ECEL1: variants seen among roughly 807,000 people sequenced by gnomAD.
ECEL1 encodes endothelin converting enzyme like 1, also known as endothelin-converting enzyme-like 1.
Under a neutral mutation model 101.8 loss-of-function variants are expected in ECEL1, and 87 were observed. The ratio of observed to expected loss-of-function variants is 0.85; its 90% CI spans 0.72 to 1.02. The LOEUF is 1.02. Ranked by LOEUF, ECEL1 falls within the 50% of genes least tolerant of loss-of-function variation. The probability of loss-of-function intolerance (pLI) is 0.00; values close to 1 mark genes in which losing one functional copy is unlikely to be tolerated. For missense variants in ECEL1, 1,032 were observed against 1,079.2 expected (o/e 0.96, Z 0.61); for synonymous variants, 487 against 468.7 (o/e 1.04, Z -0.50).
rs1451218711 is a variant in ECEL1, at chr2:232,486,183, G to A, written c.471C>T (p.Asn157=). Residue 157 remains asparagine, a synonymous_variant, in exon 2 of 18, where the codon AAC becomes AAT. Transcript: ENST00000304546. ...CCAGCAGGCGCCGTAGGCGCTCCTC[G>A]TTTTGCTCGCCGATGGCCGCGATGG... is the stretch of plus-strand genomic sequence containing the variant. The part of the protein sequence containing the change: ...YGTIAAIGEQ[N]EERLRRLLAR... 3.1e-6 allele frequency: 5 copies of A among 1,593,408 alleles called. No individual in the cohort carries two copies. Among genetic ancestry groups the A allele is most frequent in the Non-Finnish European group, 2.6e-6 (3 of 1,175,226 alleles).
chr2:232,487,305 C>T (rs1559278243), intron 1 of ECEL1, among the ~76,000 whole-genome samples: 1 of 152,188 alleles, frequency 6.6e-6, no homozygotes, highest in Non-Finnish European at 1.5e-5. Context: ...GCCCGACGGC[C>T]CACTCGCCCC....
chr2:232,479,886 G>A lies in ECEL1; in HGVS notation c.*267C>T, dbSNP rs999109360. ...CAAGAACACAGCGAAGGTGGGGCCC[G>A]TACAATCCAGCCTGGCAGAGGGTCT... On this transcript the variant is annotated 3_prime_UTR_variant, in exon 18 of 18. Coordinates refer to ENST00000304546, the MANE Select transcript of ECEL1 (RefSeq NM_004826.4). 1.1e-5 allele frequency: 6 copies of A among 534,848 alleles called. No individual in the cohort carries two copies. Among genetic ancestry groups the A allele is most frequent in the East Asian group, 6.4e-5 (2 of 31,338 alleles). 33.1% of individuals were successfully genotyped at this position (534,848 alleles called of 1,614,324 possible). A position where few individuals can be genotyped will look rare whatever the true frequency, so the allele number is the denominator to read the frequency against.
Position 232,482,913 on chromosome 2 carries a change from G to A in ECEL1, c.1623C>T (p.Asn541=), listed in dbSNP as rs758614813. Residue 541 remains asparagine (N), a synonymous_variant, in exon 10 of 18, where the codon AAC becomes AAT. Transcript: ENST00000304546. ...AGAGCTGGATGCTGAAGCGGATGCT[G>A]TTCAAGATGTTCTTGAAGTAGGTCT... ...HEKTYFKNIL[N]SIRFSIQLSV... is the part of the protein sequence containing the mutation. 8.7e-6 allele frequency: 14 copies of A among 1,614,072 alleles called. No homozygotes were observed. Among genetic ancestry groups the A allele is most frequent in the Admixed American group, 1.7e-5 (1 of 60,018 alleles).
chr2:232,484,870 G>A lies in ECEL1; in HGVS notation c.990C>T (p.Asp330=). 1 of 1,613,878 alleles carries A rather than the reference G, an allele frequency of 6.2e-7. No individual in the cohort carries two copies. Among genetic ancestry groups the A allele is most frequent in the Non-Finnish European group, 8.5e-7 (1 of 1,179,970 alleles). Residue 330 remains aspartate (D), a synonymous_variant, in exon 5 of 18, where the codon GAC becomes GAT. Coordinates refer to ENST00000304546, the MANE Select transcript of ECEL1 (RefSeq NM_004826.4). ...LANITVSEHD[D]LRRDVSSMYN... is the part of the protein sequence containing the mutation. ...ACATGGAGCTGACATCTCGCCGTAG[G>A]TCGTCATGCTCTGACACAGTGATCT...
At position 232,486,742 on chromosome 2, in the gene ECEL1, C is replaced by T; in HGVS notation, c.-89G>A. On this transcript the variant is annotated 5_prime_UTR_variant, in exon 2 of 18. Coordinates refer to ENST00000304546, the MANE Select transcript of ECEL1 (RefSeq NM_004826.4). ...GCCTCCTCGTGGGCCTCCGCATGGC[C>T]CTGGGGCCGCAGCTGCGGGAAGGGC... 2 of 1,300,902 alleles carry T rather than the reference C, an allele frequency of 1.5e-6. No homozygotes were observed. The highest frequency in any genetic ancestry group is 2.0e-6 in the Non-Finnish European group (2 of 1,017,162). 80.6% of individuals were successfully genotyped at this position (1,300,902 alleles called of 1,614,324 possible). A position where few individuals can be genotyped will look rare whatever the true frequency, so the allele number is the denominator to read the frequency against.
rs1024506547 is a variant in ECEL1, at chr2:232,486,131, C to G, written c.523G>C (p.Ala175Pro). Residue 175 changes from alanine (A) to proline (P), a missense_variant, in exon 2 of 18, where the codon GCG becomes CCG. Transcript: ENST00000304546. The stretch of plus-strand genomic sequence containing the variant: ...AAGGCGCGCACCTTGCGCTGGGCCG[C>G]GCCGCCAGGCCCACCCCCGGGCCGC... ...LARPGGGPGG[A>P]AQRKVRAFFR... The G allele has an allele frequency of 4.5e-6, 7 of 1,562,886 alleles. No individual in the cohort carries two copies. The highest frequency in any genetic ancestry group is 1.7e-6 in the Non-Finnish European group (2 of 1,158,430).
At chr2:232,485,583 C>T (rs939943161) in intron 2 of ECEL1, among the ~76,000 whole-genome samples, 1 of 152,232 alleles carries the variant, frequency 6.6e-6, no homozygotes, top group African/African-American at 2.4e-5. Flanking sequence ...GAGACGTCAA[C>T]CCAGCCCGCC....
Position 232,483,582 on chromosome 2 carries a change from G to A in ECEL1, c.1408-68C>T, listed in dbSNP as rs967965524. 5.9e-6 allele frequency: 8 copies of A among 1,348,148 alleles called. No individual in the cohort carries two copies. In the Admixed American group the frequency reaches 9.2e-5, roughly 16 times the overall value. 83.5% of individuals were successfully genotyped at this position (1,348,148 alleles called of 1,614,324 possible). A position where few individuals can be genotyped will look rare whatever the true frequency, so the allele number is the denominator to read the frequency against. On this transcript the variant is annotated intron_variant, in intron 7 of 17. Coordinates refer to ENST00000304546, the MANE Select transcript of ECEL1 (RefSeq NM_004826.4). ...CTGGTCTATCACTCCTGGCAGGAGG[G>A]GTACCCCTGCCTTTAAGCACCACTT...
At position 232,480,193 on chromosome 2, in the gene ECEL1, T is replaced by C. The variant is rs1690540003; in HGVS notation, c.2288A>G (p.Asp763Gly). Residue 763 changes from aspartate to glycine, a missense_variant, in exon 18 of 18, where the codon GAC becomes GGC. Coordinates refer to ENST00000304546, the MANE Select transcript of ECEL1 (RefSeq NM_004826.4). ...EFGRAFHCPKDSPMNPAHKCS... is the reference protein window; with the variant it reads ...EFGRAFHCPKGSPMNPAHKCS... ...CTTGTGGGCAGGGTTCATGGGTGAG[T>C]CCTTGGGACAGTGGAAAGCCCGGCC... 1 of 1,613,554 alleles carries C rather than the reference T, an allele frequency of 6.2e-7. No homozygotes were observed. The highest frequency in any genetic ancestry group is 1.3e-5 in the African/African-American group (1 of 74,836).
At chr2:232,480,681 C>T (rs1293773716) in intron 16 of ECEL1, 37 bp downstream of exon 16, 2 of 1,607,790 alleles carry the variant, frequency 1.2e-6, no homozygotes, top group Non-Finnish European at 1.7e-6. Flanking sequence ...CGTGTCCCCA[C>T]CCCAAGGCTC....
chr2:232,485,094 G>T lies in ECEL1; in HGVS notation c.856-3C>A. 1 of 1,611,446 alleles carries T rather than the reference G, an allele frequency of 6.2e-7. No individual in the cohort carries two copies. Among genetic ancestry groups the T allele is most frequent in the Non-Finnish European group, 8.5e-7 (1 of 1,179,984 alleles). On this transcript the variant is annotated splice_region_variant and splice_polypyrimidine_tract_variant and intron_variant, in intron 3 of 17. Coordinates refer to ENST00000304546, the MANE Select transcript of ECEL1 (RefSeq NM_004826.4). ...AACACCCTGTATGCTGCCAGGATCTGCACCAGGGGAGGGGGCTCACCCAGG... is the reference window on the plus strand; with the variant it reads ...AACACCCTGTATGCTGCCAGGATCTTCACCAGGGGAGGGGGCTCACCCAGG...
chr2:232,484,445 C>T (rs1690666462), intron 6 of ECEL1, 27 bp downstream of exon 6: 1 of 1,610,912 alleles, frequency 6.2e-7, no homozygotes, highest in Non-Finnish European at 8.5e-7. Context: ...GACCGCTGGG[C>T]AGAAAATGCC....
At chr2:232,486,872 C>A (rs1334259914) in intron 1 of ECEL1, 118 bp from the exon 2 acceptor site, 3 of 412,894 alleles carry the variant, frequency 7.3e-6, no homozygotes, top group African/African-American at 2.1e-5. Context: ...TCATTCACTG[C>A]GGAAACCAGG....
intron 1 of ECEL1, among the ~76,000 whole-genome samples, chr2:232,487,476 C>G (rs1267234681): frequency 6.6e-6 from 1 of 152,142 alleles, no homozygotes; most frequent in Non-Finnish European, 1.5e-5. Context: ...CCCCAGAACC[C>G]AAACTTGGGC....
rs1690739027 is a variant in ECEL1, at chr2:232,486,643, G to A, written c.11C>T (p.Pro4Leu). MEP[P>L]YSLTAHYDEF... is the part of the protein sequence containing the mutation. ...ATCGTAGTGCGCCGTCAGCGAATAC[G>A]GGGGCTCCATGGCGCCGAGGCCGCC... Residue 4 changes from proline to leucine, a missense_variant, in exon 2 of 18, where the codon CCG becomes CTG. Transcript: ENST00000304546. The A allele has an allele frequency of 1.3e-6, 2 of 1,527,718 alleles. No homozygotes were observed. Among genetic ancestry groups the A allele is most frequent in the East Asian group, 2.7e-5 (1 of 37,482 alleles). The allele number at this position is 1,527,718 out of a possible 1,614,324, so 94.6% of individuals were successfully genotyped here. A position where few individuals can be genotyped will look rare whatever the true frequency, so the allele number is the denominator to read the frequency against.
Position 232,486,090 on chromosome 2 carries a change from G to A in ECEL1, c.564C>T (p.Leu188=), listed in dbSNP as rs1396542353. Residue 188 remains leucine, a synonymous_variant, in exon 2 of 18, where the codon CTC becomes CTT. Coordinates refer to ENST00000304546, the MANE Select transcript of ECEL1 (RefSeq NM_004826.4). ...CCAGTCGCTCGATCTCGCGCATGTC[G>A]AGGCACGAGCGGAAGAAGGCGCGCA... ...RKVRAFFRSC[L]DMREIERLGP... is the part of the protein sequence containing the mutation. 1 of 1,598,432 alleles carries A rather than the reference G, an allele frequency of 6.3e-7. No individual in the cohort carries two copies. Among genetic ancestry groups the A allele is most frequent in the Non-Finnish European group, 8.5e-7 (1 of 1,173,786 alleles).
At position 232,485,822 on chromosome 2, in the gene ECEL1, C is replaced by T. The variant is rs373256266; in HGVS notation, c.786+46G>A. 4.7e-3 allele frequency: 7,151 copies of T among 1,534,988 alleles called. 24 individuals carry two copies. Among genetic ancestry groups the T allele is most frequent in the Non-Finnish European group, 5.7e-3 (6,529 of 1,145,852 alleles). On this transcript the variant is annotated intron_variant, in intron 2 of 17. Transcript: ENST00000304546. Reference sequence around the variant, plus strand: ...GGGACCCCTGGGCAAGGCCACTGCGCCCCGGATCCGCGGCCGCTGGCAGGG... The same window carrying T: ...GGGACCCCTGGGCAAGGCCACTGCGTCCCGGATCCGCGGCCGCTGGCAGGG...
intron 2 of ECEL1, 147 bp from the exon 3 acceptor site, chr2:232,485,414 C>T: frequency 1.1e-6 from 1 of 946,628 alleles, no homozygotes; most frequent in South Asian, 1.6e-5. Flanking sequence ...CTCTTTCCAC[C>T]CAGACGAGAT....
Position 232,481,858 on chromosome 2 carries a change from A to C in ECEL1, c.1797-9T>G, listed in dbSNP as rs1473018047. 6.2e-7 allele frequency: 1 copy of C among 1,613,830 alleles called. No individual in the cohort carries two copies. Among genetic ancestry groups the C allele is most frequent in the East Asian group, 2.2e-5 (1 of 44,880 alleles). Reference sequence around the variant, plus strand: ...CCCCGTAGTTGAGAGACCTGGGCCCACAGCAGCAGCATCAGGCCCTAGCCC... The same window carrying C: ...CCCCGTAGTTGAGAGACCTGGGCCCCCAGCAGCAGCATCAGGCCCTAGCCC... On this transcript the variant is annotated splice_polypyrimidine_tract_variant and intron_variant, in intron 12 of 17. Coordinates refer to ENST00000304546, the MANE Select transcript of ECEL1 (RefSeq NM_004826.4).
Sources: allele counts gnomAD v4.1 joint callset (sites outside exome capture counted in the v4.1 genomes callset), GRCh38; gene constraint gnomAD v4.1.1; transcripts MANE v1.5; gene names NCBI Gene and HGNC (gene_info 2026-07-23, HGNC 2026-07-21).